The following PRUNE2 variants were observed in gnomAD, a reference collection of about 807,000 sequenced individuals.
PRUNE2 encodes prune homolog 2 with BCH domain, also known as protein prune homolog 2.
PRUNE2 carries 164 observed loss-of-function variants against 252.0 expected under a neutral mutation model. That is an observed-to-expected ratio of 0.65 (90% CI 0.57 to 0.74). The LOEUF is 0.74. Among genes scored for constraint, PRUNE2 ranks in the 30% least tolerant of loss-of-function variants. The pLI is 0.00. For missense variants in PRUNE2, 3,495 were observed against 3,711.0 expected (o/e 0.94, Z 1.51); for synonymous variants, 1,292 against 1,350.2 (o/e 0.96, Z 0.94).
intron 16 of PRUNE2, chr9:76,625,208 T>C (rs1393928632): frequency 4.8e-6 from 2 of 417,608 alleles, no homozygotes; most frequent in Non-Finnish European, 4.6e-6. Flanking sequence ...GGGTCAGTGA[T>C]GGACCACATA....
chr9:76,706,184 C>T lies in PRUNE2; in HGVS notation c.6090G>A (p.Lys2030=), dbSNP rs1240281685. The T allele has an allele frequency of 5.0e-6, 8 of 1,613,852 alleles. No individual in the cohort carries two copies. The Admixed American group carries it at 1.2e-4, about 24-fold the overall frequency. ...TAGAGCCATCCCATTCAGAGCCTGG[C>T]TTCATTATCAGTTGGGTGGGAGAAC... ...AVSSPTQLIM[K]PGSEWDGSTP... is the part of the protein sequence containing the mutation. Residue 2030 remains lysine, a synonymous_variant, in exon 8 of 19, where the codon AAG becomes AAA. Transcript: ENST00000376718.
In PRUNE2 at chr9:76,850,666, C is replaced by T. The variant is rs774885462; in HGVS notation, c.142-1G>A. The stretch of plus-strand genomic sequence containing the variant: ...AACACAGAACCCCTGGTGGACTGAC[C>T]TACCAAGAAAAAAGTTGACTGAATT... On this transcript the variant is annotated splice_acceptor_variant, in intron 2 of 18. Transcript: ENST00000376718. LOFTEE classifies it high-confidence loss of function. 1.1e-5 allele frequency: 17 copies of T among 1,607,534 alleles called. No homozygotes were observed. The highest frequency in any genetic ancestry group is 1.3e-5 in the Non-Finnish European group (15 of 1,176,426).
At chr9:76,846,780 A>G in intron 3 of PRUNE2, 102 bp from the exon 4 acceptor site, 1 of 897,288 alleles carries the variant, frequency 1.1e-6, no homozygotes, top group Non-Finnish European at 1.7e-6. Flanking sequence ...CTTCCTCTCA[A>G]TGACCAAAAA....
intron 9 of PRUNE2, among the ~76,000 whole-genome samples, chr9:76,673,093 CA>C (rs1230037171): frequency 6.6e-6 from 1 of 151,888 alleles, no homozygotes; most frequent in African/African-American, 2.4e-5. Context: ...AAAAACCCTT[CA>C]AAAAATTAAT....
intron 6 of PRUNE2, among the ~76,000 whole-genome samples, chr9:76,724,036 C>T (rs1377572053): frequency 1.3e-5 from 2 of 150,842 alleles, no homozygotes; most frequent in African/African-American, 4.9e-5. Flanking sequence ...ACCTTGTGAT[C>T]TGCCCGCCTC....
intron 1 of PRUNE2, among the ~76,000 whole-genome samples, chr9:76,896,343 C>T (rs182254694): frequency 1.3e-5 from 2 of 152,292 alleles, no homozygotes; most frequent in East Asian, 3.9e-4. Context: ...AGAGATTGCA[C>T]TTAGGGAATT....
intron 15 of PRUNE2, 60 bp downstream of exon 15, chr9:76,636,411 G>A (rs889464196): frequency 5.8e-6 from 5 of 856,626 alleles, no homozygotes; most frequent in African/African-American, 1.7e-5. Context: ...TTAGGACAAT[G>A]AGTACATATT....
intron 10 of PRUNE2, among the ~76,000 whole-genome samples, chr9:76,654,998 G>A (rs1588206601): frequency 6.6e-6 from 1 of 152,124 alleles, no homozygotes; most frequent in Non-Finnish European, 1.5e-5. Flanking sequence ...AAAATGTAGG[G>A]TAGTTGTTTT....
chr9:76,828,406 A>G (rs2058469073), intron 4 of PRUNE2, among the ~76,000 whole-genome samples: 1 of 152,246 alleles, frequency 6.6e-6, no homozygotes, highest in Non-Finnish European at 1.5e-5. Flanking sequence ...GGGCCTTACA[A>G]GCCGCCTTAA....
chr9:76,731,324 ATTTTTT>A (rs1181079797), intron 6 of PRUNE2, among the ~76,000 whole-genome samples: 2,138 of 106,692 alleles, frequency 0.02, 60 homozygotes, highest in African/African-American at 0.067. Context: ...ATATATATAT[ATTTTTT>A]TTTTTTTTTT....
At chr9:76,850,775 C>A in intron 2 of PRUNE2, 110 bp from the exon 3 acceptor site, 1 of 751,922 alleles carries the variant, frequency 1.3e-6, no homozygotes, top group Admixed American at 2.5e-5. Flanking sequence ...GTCTTCTGGC[C>A]TCACTAAACC....
At chr9:76,754,188 C>T (rs1199709708) in intron 6 of PRUNE2, among the ~76,000 whole-genome samples, 2 of 152,052 alleles carry the variant, frequency 1.3e-5, no homozygotes, top group African/African-American at 2.4e-5. Context: ...AAAGGATGCA[C>T]ATGTGAGTGA....
At chr9:76,798,196 G>A (rs1428481913) in intron 6 of PRUNE2, among the ~76,000 whole-genome samples, 2 of 152,124 alleles carry the variant, frequency 1.3e-5, no homozygotes, top group Non-Finnish European at 2.9e-5. Flanking sequence ...TAGTTCAGAA[G>A]TATTAAGTAT....
intron 2 of PRUNE2, 60 bp from the exon 3 acceptor site, chr9:76,850,725 A>T: frequency 7.8e-7 from 1 of 1,280,044 alleles, no homozygotes; most frequent in East Asian, 2.3e-5. Context: ...ATACAATTAC[A>T]TTTTCTCCAG....
intron 9 of PRUNE2, among the ~76,000 whole-genome samples, chr9:76,678,916 A>G (rs943699836): frequency 6.6e-6 from 1 of 152,172 alleles, no homozygotes; most frequent in Non-Finnish European, 1.5e-5. Flanking sequence ...ACCCCAAGAG[A>G]TATGTGGGCC....
intron 9 of PRUNE2, 86 bp from the exon 10 acceptor site, chr9:76,655,588 T>TAAC: frequency 1.0e-6 from 1 of 981,296 alleles, no homozygotes; most frequent in South Asian, 1.4e-5. Context: ...GAGTCCAGGA[T>TAAC]AACATTTTCA....
chr9:76,754,058 A>T (rs1055328984), intron 6 of PRUNE2, among the ~76,000 whole-genome samples: 8 of 152,154 alleles, frequency 5.3e-5, no homozygotes, highest in Admixed American at 5.2e-4. Flanking sequence ...GATGAGACTG[A>T]GACTGGAACT....
intron 6 of PRUNE2, among the ~76,000 whole-genome samples, chr9:76,727,195 C>A (rs1429902998): frequency 6.6e-6 from 1 of 152,096 alleles, no homozygotes; most frequent in Non-Finnish European, 1.5e-5. Context: ...AAATATGTCC[C>A]CTGTGGGGCA....
intron 12 of PRUNE2, among the ~76,000 whole-genome samples, chr9:76,641,749 G>T (rs1842677271): frequency 6.6e-6 from 1 of 151,730 alleles, no homozygotes; most frequent in African/African-American, 2.4e-5. Context: ...CCCCCCCCAG[G>T]AGTCTCCTGA....
Sources: allele counts gnomAD v4.1 joint callset (sites outside exome capture counted in the v4.1 genomes callset), GRCh38; gene constraint gnomAD v4.1.1; transcripts MANE v1.5; gene names NCBI Gene and HGNC (gene_info 2026-07-23, HGNC 2026-07-21).